The following RNF152 variants were observed in gnomAD, a reference collection of about 807,000 sequenced individuals.
RNF152 encodes the protein ring finger protein 152, also known as E3 ubiquitin-protein ligase RNF152.
Under a neutral mutation model 12.7 loss-of-function variants are expected in RNF152, and 11 were observed. The observed-to-expected ratio is 0.86, with a 90% confidence interval of 0.54 to 1.43. The LOEUF (loss-of-function observed/expected upper bound fraction) is 1.43, where lower values mean the gene tolerates loss of function less well. Ranked by LOEUF, RNF152 falls within the 40% of genes most tolerant of loss-of-function variation. The pLI is 0.00. For synonymous variants in RNF152, 113 were observed against 120.3 expected (o/e 0.94, Z 0.40); for missense variants, 255 against 274.8 (o/e 0.93, Z 0.51).
At chr18:61,837,965 C>T (rs1013209588) in intron 1 of RNF152, among the ~76,000 whole-genome samples, 1 of 152,122 alleles carries the variant, frequency 6.6e-6, no homozygotes, top group Non-Finnish European at 1.5e-5. Context: ...CACCAAGGGT[C>T]CACACACTCT....
At chr18:61,844,132 AAG>A (rs1262485800) in intron 1 of RNF152, among the ~76,000 whole-genome samples, 4 of 146,584 alleles carry the variant, frequency 2.7e-5, no homozygotes, top group Admixed American at 6.8e-5. Context: ...GAAAGAAAGA[AAG>A]AAAGAAATTA....
chr18:61,848,351 G>T (rs1272919467), intron 1 of RNF152, among the ~76,000 whole-genome samples: 1 of 152,040 alleles, frequency 6.6e-6, no homozygotes, highest in Admixed American at 6.6e-5. Context: ...TAGTAATTAT[G>T]CCACATTTTT....
intron 1 of RNF152, among the ~76,000 whole-genome samples, chr18:61,820,918 T>C (rs1382014491): frequency 9.9e-5 from 15 of 152,260 alleles, no homozygotes. Context: ...GCCTGCTTTC[T>C]CCCTGGCCAA....
At chr18:61,821,970 G>A (rs553869926) in intron 1 of RNF152, among the ~76,000 whole-genome samples, 91 of 152,246 alleles carry the variant, frequency 6.0e-4, no homozygotes, top group African/African-American at 2.2e-3. Flanking sequence ...AAAAATGTTG[G>A]GGACTGCTGC....
rs539503418 is a variant in RNF152, at chr18:61,824,742, C to T, written c.-135-8144G>A. On this transcript the variant is annotated intron_variant, in intron 1 of 1. Coordinates refer to ENST00000312828, the MANE Select transcript of RNF152 (RefSeq NM_173557.3). ...ACAACGCTACCTTGAAAAGAAGCTG[C>T]ACAGTTTTCTGGCTTGTGCAGGAAG... 3.9e-5 allele frequency among the ~76,000 whole-genome samples: 6 copies of T among 152,330 alleles called. No individual in the cohort carries two copies. In the South Asian group the frequency reaches 1.0e-3, roughly 26 times the overall value.
intron 1 of RNF152, among the ~76,000 whole-genome samples, chr18:61,843,078 C>T (rs1022815072): frequency 1.3e-5 from 2 of 152,228 alleles, no homozygotes; most frequent in African/African-American, 4.8e-5. Context: ...AAATGTCTTG[C>T]ATTTTAAAGT....
At chr18:61,871,683 C>T (rs1438513762) in intron 1 of RNF152, among the ~76,000 whole-genome samples, 1 of 152,154 alleles carries the variant, frequency 6.6e-6, no homozygotes, top group Non-Finnish European at 1.5e-5. Context: ...GCCGAGCCTT[C>T]AGAAGGTAAG....
intron 1 of RNF152, among the ~76,000 whole-genome samples, chr18:61,823,985 A>AT (rs1157408372): frequency 6.6e-6 from 1 of 152,230 alleles, no homozygotes; most frequent in African/African-American, 2.4e-5. Flanking sequence ...CCAGAGAGGT[A>AT]TTTACCCAGC....
chr18:61,828,970 A>G (rs1223547662), intron 1 of RNF152, among the ~76,000 whole-genome samples: 1 of 152,036 alleles, frequency 6.6e-6, no homozygotes, highest in Non-Finnish European at 1.5e-5. Flanking sequence ...TCCAGGAAGG[A>G]TTTTTCAAGA....
chr18:61,884,734 CTT>C (rs1343957556), intron 1 of RNF152, among the ~76,000 whole-genome samples: 2 of 152,080 alleles, frequency 1.3e-5, no homozygotes, highest in Non-Finnish European at 2.9e-5. Context: ...TAATTTGTAT[CTT>C]TTAGTAGAGA....
intron 1 of RNF152, among the ~76,000 whole-genome samples, chr18:61,839,588 T>C (rs911450749): frequency 6.6e-5 from 10 of 152,280 alleles, no homozygotes; most frequent in African/African-American, 2.4e-4. Flanking sequence ...TCTCCTCCTC[T>C]TTTTACATTT....
At position 61,812,723 on chromosome 18, in the gene RNF152, T is replaced by C. The variant is rs1048535323; in HGVS notation, c.*3129A>G. 1 of 152,186 alleles carries C rather than the reference T, an allele frequency of 6.6e-6. No individual in the cohort carries two copies. Among genetic ancestry groups the C allele is most frequent in the African/African-American group, 2.4e-5 (1 of 41,432 alleles). 9.4% of individuals were successfully genotyped at this position (152,186 alleles called of 1,614,324 possible). A position where few individuals can be genotyped will look rare whatever the true frequency, so the allele number is the denominator to read the frequency against. Reference sequence around the variant, plus strand: ...GTGGGGTGGGAGGTTTGGACACCAATGTTTTACAATTTTAAAAATTCAAAC... The same window carrying C: ...GTGGGGTGGGAGGTTTGGACACCAACGTTTTACAATTTTAAAAATTCAAAC... On this transcript the variant is annotated 3_prime_UTR_variant, in exon 2 of 2. Coordinates refer to ENST00000312828, the MANE Select transcript of RNF152 (RefSeq NM_173557.3).
Position 61,813,242 on chromosome 18 carries a change from T to A in RNF152, c.*2610A>T, listed in dbSNP as rs961534066. ...ACATCATTAAGCCTATAAAATTCTA[T>A]CTGGGAGACTGAGATTCTCTCTCTC... is the stretch of plus-strand genomic sequence containing the variant. On this transcript the variant is annotated 3_prime_UTR_variant, in exon 2 of 2. Coordinates refer to ENST00000312828, the MANE Select transcript of RNF152 (RefSeq NM_173557.3). 2 of 151,044 alleles carry A rather than the reference T, an allele frequency of 1.3e-5. No individual in the cohort carries two copies. The highest frequency in any genetic ancestry group is 4.9e-5 in the African/African-American group (2 of 40,720). 9.4% of individuals were successfully genotyped at this position (151,044 alleles called of 1,614,324 possible). A position where few individuals can be genotyped will look rare whatever the true frequency, so the allele number is the denominator to read the frequency against.
At chr18:61,873,189 A>G (rs1385860500) in intron 1 of RNF152, among the ~76,000 whole-genome samples, 1 of 152,204 alleles carries the variant, frequency 6.6e-6, no homozygotes, top group African/African-American at 2.4e-5. Context: ...ATGAGAATGA[A>G]ATTGGGTAAC....
At chr18:61,883,067 G>A (rs1429589780) in intron 1 of RNF152, among the ~76,000 whole-genome samples, 1 of 152,174 alleles carries the variant, frequency 6.6e-6, no homozygotes, top group African/African-American at 2.4e-5. Context: ...ATATCTAGAT[G>A]CATGCATTTT....
rs576026030 is a variant in RNF152 at position 61,810,760 on chromosome 18, G to A, written c.*5092C>T. ...TTCAAAACAGCTACTGAATTATCTC[G>A]ACTATCTTATTATTCTCAATAGTTT... is the stretch of plus-strand genomic sequence containing the variant. On this transcript the variant is annotated 3_prime_UTR_variant, in exon 2 of 2. Transcript: ENST00000312828. The A allele has an allele frequency of 2.0e-5, 3 of 152,076 alleles. No homozygotes were observed. Among genetic ancestry groups the A allele is most frequent in the South Asian group, 2.1e-4 (1 of 4,830 alleles). 9.4% of individuals were successfully genotyped at this position (152,076 alleles called of 1,614,324 possible).
At chr18:61,820,354 A>AGTC (rs1405861748) in intron 1 of RNF152, among the ~76,000 whole-genome samples, 3 of 151,000 alleles carry the variant, frequency 2.0e-5, no homozygotes, top group African/African-American at 4.9e-5. Context: ...AAAAAAAAAA[A>AGTC]AAAAAGAGTA....
intron 1 of RNF152, among the ~76,000 whole-genome samples, chr18:61,829,577 G>GGA (rs1350748131): frequency 1.6e-4 from 22 of 139,516 alleles, no homozygotes; most frequent in African/African-American, 2.4e-4. Context: ...ATTGGGGGAA[G>GGA]GAGAGAGAGA....
chr18:61,892,229 C>T (rs1912995350), intron 1 of RNF152, among the ~76,000 whole-genome samples: 1 of 152,230 alleles, frequency 6.6e-6, no homozygotes, highest in Non-Finnish European at 1.5e-5. Context: ...TGTTCTCTTT[C>T]TGCTGCCCCC....
Sources: gnomAD v4.1 joint callset for allele counts (sites outside exome capture counted in the v4.1 genomes callset) on GRCh38, gnomAD v4.1.1 for gene constraint, MANE v1.5 for transcripts, NCBI Gene and HGNC (gene_info 2026-07-23, HGNC 2026-07-21) for gene names.